The following DNAH17 variants were observed in gnomAD, a reference collection of about 807,000 sequenced individuals.
DNAH17 encodes the protein dynein axonemal heavy chain 17, also known as axonemal beta dynein heavy chain 17.
In DNAH17, 376 loss-of-function variants were observed where a neutral mutation model predicts 485.6. The observed-to-expected ratio is 0.77, with a 90% CI of 0.71 to 0.84. The LOEUF is 0.84. Among genes scored for constraint, DNAH17 ranks in the 40% least tolerant of loss-of-function variants. The pLI is 0.00. For synonymous variants in DNAH17, 3,031 were observed against 2,405.9 expected (o/e 1.26, Z -7.60); for missense variants, 6,370 against 5,839.3 (o/e 1.09, Z -2.96).
chr17:78,426,242 G>A (rs979058330), intron 79 of DNAH17, among the ~76,000 whole-genome samples: 36 of 152,178 alleles, frequency 2.4e-4, no homozygotes, highest in Admixed American at 1.9e-3. Flanking sequence ...GCTGCTCTGC[G>A]GCCTGGCTTG....
intron 25 of DNAH17, among the ~76,000 whole-genome samples, chr17:78,521,352 G>A (rs1464074028): frequency 2.6e-5 from 4 of 152,108 alleles, no homozygotes; most frequent in Non-Finnish European, 5.9e-5. Flanking sequence ...GTTGCAGTGA[G>A]CCAAGATCGC....
intron 25 of DNAH17, chr17:78,522,248 T>C (rs1318065436): frequency 5.5e-6 from 1 of 180,892 alleles, no homozygotes; most frequent in African/African-American, 2.4e-5. Flanking sequence ...ACGGCCACCA[T>C]GGCGGCTACC....
Position 78,561,960 on chromosome 17 carries a change from G to T in DNAH17, c.1590C>A (p.Gly530=). The T allele has an allele frequency of 6.2e-7, 1 of 1,609,108 alleles. No individual in the cohort carries two copies. The highest frequency in any genetic ancestry group is 8.5e-7 in the Non-Finnish European group (1 of 1,177,736). The part of the protein sequence containing the change: ...SSAKLLYMCG[G]LMERPLILAE... ...CAAGAATCAGGGGCCGCTCCATGAG[G>T]CCCCCACACATGTACAGGAGCTGAG... The change falls in exon 12 of 81, where the codon GGC becomes GGA. Residue 530 remains glycine (G), a synonymous_variant. Coordinates refer to ENST00000389840, the MANE Select transcript of DNAH17 (RefSeq NM_173628.4).
intron 54 of DNAH17, chr17:78,472,786 C>T (rs755280137): frequency 2.1e-4 from 95 of 453,480 alleles, no homozygotes; most frequent in Non-Finnish European, 3.4e-4. Context: ...TCGCACCTGC[C>T]CACTTTCAGC....
At chr17:78,450,052 CCT>C in intron 68 of DNAH17, 200 bp downstream of exon 68, 1 of 611,704 alleles carries the variant, frequency 1.6e-6, no homozygotes. Context: ...CAGCTCATAC[CCT>C]CTCCTGGGGA....
At chr17:78,508,567 G>GA (rs1242175010) in intron 27 of DNAH17, among the ~76,000 whole-genome samples, 3 of 151,986 alleles carry the variant, frequency 2.0e-5, no homozygotes, top group African/African-American at 7.3e-5. Context: ...GACCCAGCTG[G>GA]AAAAAACCCT....
chr17:78,539,006 G>A (rs2091452556), intron 18 of DNAH17, among the ~76,000 whole-genome samples: 1 of 152,166 alleles, frequency 6.6e-6, no homozygotes, highest in Admixed American at 6.5e-5. Context: ...GCCGAGGTTG[G>A]TCGATCATGA....
chr17:78,526,467 C>T (rs1294097718), intron 24 of DNAH17, among the ~76,000 whole-genome samples, 184 bp downstream of exon 24: 2 of 152,138 alleles, frequency 1.3e-5, no homozygotes, highest in Non-Finnish European at 2.9e-5. Flanking sequence ...TGCATGTTCA[C>T]GTACACACCC....
Position 78,478,232 on chromosome 17 carries a change from TCAC to T in DNAH17, c.7992+790_7992+792del, listed in dbSNP as rs201525492. Among the ~76,000 whole-genome samples the T allele has an allele frequency of 5.6e-4, 33 of 58,778 alleles. 1 individual carries two copies. Among genetic ancestry groups the T allele is most frequent in the African/African-American group, 7.4e-4 (7 of 9,480 alleles). The allele number at this position is 58,778 out of a possible 152,430, so 38.6% of individuals were successfully genotyped here. On this transcript the variant is annotated intron_variant, in intron 51 of 80. Coordinates refer to ENST00000389840, the MANE Select transcript of DNAH17 (RefSeq NM_173628.4). Reference sequence around the variant, plus strand: ...CACCACCATCATCACCACATCACCATCACCACCATCATCACCACCATCACCATT... The same window carrying T: ...CACCACCATCATCACCACATCACCATCACCATCATCACCACCATCACCATT...
intron 56 of DNAH17, among the ~76,000 whole-genome samples, chr17:78,465,822 C>G (rs113484390): frequency 2.7e-5 from 4 of 149,890 alleles, no homozygotes; most frequent in Non-Finnish European, 5.9e-5. Context: ...GGTCAGCCCC[C>G]CGCCCGGCCA....
At chr17:78,470,938 A>G (rs185729341) in intron 54 of DNAH17, among the ~76,000 whole-genome samples, 1 of 152,170 alleles carries the variant, frequency 6.6e-6, no homozygotes, top group African/African-American at 2.4e-5. Context: ...AGTTTTTTTT[A>G]AAGCATTTTA....
Position 78,500,391 on chromosome 17 carries a change from C to T in DNAH17, c.5554G>A (p.Gly1852Ser), listed in dbSNP as rs370592347. ...GGAPAGPAGTGKTETTKDLGR... is the reference protein window; with the variant it reads ...GGAPAGPAGTSKTETTKDLGR... ...AGGTCCTTGGTCGTCTCAGTCTTGC[C>T]GGTCCCAGCGGGGCCGGCAGGGGCT... The change falls in exon 36 of 81, where the codon GGC becomes AGC. Residue 1852 changes from glycine to serine, a missense_variant. Gly to Ser is a moderately conservative substitution (Grantham distance 56). Coordinates refer to ENST00000389840, the MANE Select transcript of DNAH17 (RefSeq NM_173628.4). 22 of 1,611,934 alleles carry T rather than the reference C, an allele frequency of 1.4e-5. No individual in the cohort carries two copies. Among genetic ancestry groups the T allele is most frequent in the Admixed American group, 5.0e-5 (3 of 59,646 alleles).
At chr17:78,532,886 G>A (rs1419730102) in intron 19 of DNAH17, 150 bp from the exon 20 acceptor site, 4 of 974,080 alleles carry the variant, frequency 4.1e-6, no homozygotes, top group Non-Finnish European at 4.4e-6. Flanking sequence ...AGCCTGGGCC[G>A]ATCACCCCTC....
intron 54 of DNAH17, chr17:78,472,691 G>A (rs766274975): frequency 3.1e-5 from 14 of 452,276 alleles, no homozygotes; most frequent in African/African-American, 1.6e-4. Flanking sequence ...GACCCCAGCC[G>A]AGTCCCCGAG....
At chr17:78,431,947 G>A (rs576402430) in intron 75 of DNAH17, among the ~76,000 whole-genome samples, 6 of 152,040 alleles carry the variant, frequency 3.9e-5, no homozygotes, top group Admixed American at 1.3e-4. Flanking sequence ...CGAGGTGGGC[G>A]GATGACTTGA....
intron 11 of DNAH17, among the ~76,000 whole-genome samples, chr17:78,566,017 A>T (rs2092259942): frequency 6.6e-6 from 1 of 152,150 alleles, no homozygotes; most frequent in Non-Finnish European, 1.5e-5. Flanking sequence ...AACTAAAAAT[A>T]GAGACCCCAG....
chr17:78,524,783 C>G (rs558092855), intron 25 of DNAH17, among the ~76,000 whole-genome samples: 50 of 152,270 alleles, frequency 3.3e-4, no homozygotes, highest in African/African-American at 1.2e-3. Flanking sequence ...GGGGGGCAGT[C>G]AAAGGCGAGC....
In DNAH17 at chr17:78,561,568, C is replaced by T. The variant is rs1024689858; in HGVS notation, c.1835+147G>A. On this transcript the variant is annotated intron_variant, in intron 12 of 80. Transcript: ENST00000389840. Reference sequence around the variant, plus strand: ...AGGTGATCAGGGGAGGAGGGAGGACCAGAAGGGGTCTCTTCTGGGCTTTTG... The same window carrying T: ...AGGTGATCAGGGGAGGAGGGAGGACTAGAAGGGGTCTCTTCTGGGCTTTTG... The T allele has an allele frequency of 5.1e-6, 5 of 982,014 alleles. No homozygotes were observed. In the Admixed American group the frequency reaches 9.2e-5, roughly 18 times the overall value. The allele number at this position is 982,014 out of a possible 1,614,324, so 60.8% of individuals were successfully genotyped here.
chr17:78,547,481 T>C lies in DNAH17; in HGVS notation c.2392-3484A>G, dbSNP rs144561102. ...TCTGTATCCTTGGGATTGTAAACTT[T>C]GGTCAGAATATGTCTACATGTGTCA... On this transcript the variant is annotated intron_variant, in intron 16 of 80. Transcript: ENST00000389840. Among the ~76,000 whole-genome samples the C allele has an allele frequency of 5.9e-5, 9 of 152,358 alleles. No homozygotes were observed. The East Asian group carries it at 1.7e-3, about 29-fold the overall frequency.
Sources: allele counts gnomAD v4.1 joint callset (sites outside exome capture counted in the v4.1 genomes callset), GRCh38; gene constraint gnomAD v4.1.1; transcripts MANE v1.5; gene names NCBI Gene and HGNC (gene_info 2026-07-23, HGNC 2026-07-21).